Variants in MITF observed in about 807,000 individuals in gnomAD.
The protein encoded by MITF is microphthalmia-associated transcription factor.
MITF carries 17 observed loss-of-function variants against 60.5 expected under a neutral mutation model. The ratio of observed to expected loss-of-function variants is 0.28; its 90% CI spans 0.19 to 0.42. MITF has a LOEUF of 0.42. MITF is among the 10% of genes least tolerant of loss of function. MITF has a pLI of 1.00. For synonymous variants in MITF, 260 were observed against 248.5 expected (o/e 1.05, Z -0.43); for missense variants, 622 against 683.5 (o/e 0.91, Z 1.00).
chr3:69,766,199 T>C (rs1252886259), intron 1 of MITF, among the ~76,000 whole-genome samples: 1 of 151,812 alleles, frequency 6.6e-6, no homozygotes, highest in East Asian at 1.9e-4. Flanking sequence ...ATGAATGGTT[T>C]TGTTTGTCAT....
At chr3:69,952,341 A>T (rs1169837735) in intron 7 of MITF, among the ~76,000 whole-genome samples, 1 of 152,124 alleles carries the variant, frequency 6.6e-6, no homozygotes, top group Non-Finnish European at 1.5e-5. Context: ...AATTTCTGAC[A>T]TGATTCGTGA....
At chr3:69,813,206 A>G (rs988756225) in intron 1 of MITF, among the ~76,000 whole-genome samples, 3 of 152,212 alleles carry the variant, frequency 2.0e-5, no homozygotes, top group Non-Finnish European at 4.4e-5. Context: ...TCTTCAAGAT[A>G]ACTTTTCATT....
chr3:69,911,313 G>A (rs1326989478), intron 2 of MITF, among the ~76,000 whole-genome samples: 1 of 151,990 alleles, frequency 6.6e-6, no homozygotes, highest in Admixed American at 6.6e-5. Flanking sequence ...GCATGAAAAC[G>A]GACCAGTATA....
At chr3:69,789,614 G>C (rs765449146) in intron 1 of MITF, among the ~76,000 whole-genome samples, 2 of 152,174 alleles carry the variant, frequency 1.3e-5, no homozygotes, top group Non-Finnish European at 2.9e-5. Flanking sequence ...CCAGCACTTT[G>C]GGAGGCCAAC....
At chr3:69,921,889 C>T (rs1355646113) in intron 2 of MITF, among the ~76,000 whole-genome samples, 1 of 152,202 alleles carries the variant, frequency 6.6e-6, no homozygotes, top group Non-Finnish European at 1.5e-5. Context: ...CTGTCTTGTG[C>T]ATCGTAGGAT....
At chr3:69,774,822 G>A (rs1227476649) in intron 1 of MITF, among the ~76,000 whole-genome samples, 1 of 152,150 alleles carries the variant, frequency 6.6e-6, no homozygotes, top group African/African-American at 2.4e-5. Context: ...CACCTCAGCT[G>A]TCCTGTGGTA....
chr3:69,785,322 C>T (rs4855448), intron 1 of MITF, among the ~76,000 whole-genome samples: 76,826 of 151,910 alleles, frequency 0.51, 20,079 homozygotes, highest in Non-Finnish European at 0.59. Flanking sequence ...TGAGCATTTA[C>T]TGATGCTTCC....
chr3:69,948,827 CTG>C (rs2066166578), intron 5 of MITF, among the ~76,000 whole-genome samples: 1 of 152,142 alleles, frequency 6.6e-6, no homozygotes, highest in Non-Finnish European at 1.5e-5. Context: ...GGGTGTGAGA[CTG>C]TACTTTCCTG....
intron 1 of MITF, among the ~76,000 whole-genome samples, chr3:69,754,055 G>T (rs554677980): frequency 1.3e-5 from 2 of 152,278 alleles, no homozygotes; most frequent in East Asian, 3.9e-4. Context: ...CCAAATCTCA[G>T]GTCAAATTGT....
chr3:69,765,894 G>T (rs1328284648), intron 1 of MITF, among the ~76,000 whole-genome samples: 1 of 152,200 alleles, frequency 6.6e-6, no homozygotes, highest in Admixed American at 6.5e-5. Context: ...GAATGGTATA[G>T]CTATCTGGAA....
At position 69,967,325 on chromosome 3, in the gene MITF, G is replaced by A. The variant is rs886058816; in HGVS notation, c.*2077G>A. 1 of 232,380 alleles carries A rather than the reference G, an allele frequency of 4.3e-6. No homozygotes were observed. The highest frequency in any genetic ancestry group is 1.8e-4 in the South Asian group (1 of 5,516). 14.4% of individuals were successfully genotyped at this position (232,380 alleles called of 1,614,324 possible). A position where few individuals can be genotyped will look rare whatever the true frequency, so the allele number is the denominator to read the frequency against. On this transcript the variant is annotated 3_prime_UTR_variant, in exon 10 of 10. Transcript: ENST00000352241. ...TTTCCTAGAATAGTGACGCAAATCTGCATGAACAGCTAATTGTACCATAGT... is the reference window on the plus strand; with the variant it reads ...TTTCCTAGAATAGTGACGCAAATCTACATGAACAGCTAATTGTACCATAGT...
intron 1 of MITF, among the ~76,000 whole-genome samples, chr3:69,768,316 C>T (rs922332624): frequency 3.9e-5 from 6 of 152,196 alleles, no homozygotes; most frequent in African/African-American, 1.4e-4. Flanking sequence ...AGCATGCTTG[C>T]ATGTACACAC....
intron 1 of MITF, among the ~76,000 whole-genome samples, chr3:69,816,694 G>C (rs900574011): frequency 6.6e-6 from 1 of 152,116 alleles, no homozygotes; most frequent in African/African-American, 2.4e-5. Context: ...TTGTAAAATG[G>C]GCATGGTAGT....
chr3:69,826,909 A>G (rs547327711), intron 1 of MITF, among the ~76,000 whole-genome samples: 60 of 152,230 alleles, frequency 3.9e-4, no homozygotes. Context: ...CTTTGGAGTA[A>G]TGTTTGATTC....
intron 2 of MITF, among the ~76,000 whole-genome samples, chr3:69,924,016 T>A (rs565237652): frequency 2.6e-4 from 39 of 152,314 alleles, no homozygotes; most frequent in African/African-American, 7.9e-4. Flanking sequence ...TTAGATGACA[T>A]CCATGTAGAT....
Position 69,959,309 on chromosome 3 carries a change from A to G in MITF, c.1068A>G (p.Ala356=), listed in dbSNP as rs1426733722. The change falls in exon 9 of 10, where the codon GCA becomes GCG. Residue 356 remains alanine, a synonymous_variant. Coordinates refer to ENST00000352241, the MANE Select transcript of MITF (RefSeq NM_001354604.2). ...GGAACAAGGGAACCATCTTAAAAGC[A>G]TCCGTGGACTATATCCGAAAGTTGC... ...MRWNKGTILK[A]SVDYIRKLQR... 7.4e-6 allele frequency: 12 copies of G among 1,614,028 alleles called. No homozygotes were observed. The highest frequency in any genetic ancestry group is 1.7e-5 in the Admixed American group (1 of 60,000).
At chr3:69,785,858 G>T (rs1391497135) in intron 1 of MITF, among the ~76,000 whole-genome samples, 1 of 152,168 alleles carries the variant, frequency 6.6e-6, no homozygotes, top group East Asian at 1.9e-4. Flanking sequence ...GAGAAAAAGA[G>T]ATGGACAGGT....
intron 7 of MITF, among the ~76,000 whole-genome samples, chr3:69,954,342 C>T (rs1035363416): frequency 8.4e-4 from 128 of 152,246 alleles, no homozygotes; most frequent in African/African-American, 2.8e-3. Context: ...CAATGGGATA[C>T]ATGAATATGG....
chr3:69,843,989 T>G (rs112771826), intron 1 of MITF, among the ~76,000 whole-genome samples: 1 of 152,186 alleles, frequency 6.6e-6, no homozygotes, highest in African/African-American at 2.4e-5. Context: ...TGATAACATG[T>G]GGTGTTTGGT....
Sources: allele counts gnomAD v4.1 joint callset (sites outside exome capture counted in the v4.1 genomes callset), GRCh38; gene constraint gnomAD v4.1.1; transcripts MANE v1.5; gene names NCBI Gene and HGNC (gene_info 2026-07-23, HGNC 2026-07-21).